The following STXBP6 variants were observed in gnomAD, a reference collection of about 807,000 sequenced individuals.
STXBP6 encodes the protein syntaxin-binding protein 6.
In STXBP6, 21 loss-of-function variants were observed where a neutral mutation model predicts 26.9. The ratio of observed to expected loss-of-function variants is 0.78; its 90% CI spans 0.55 to 1.12. The LOEUF is 1.12. Among genes scored for constraint, STXBP6 ranks in the 50% most tolerant of loss-of-function variants. The probability of loss-of-function intolerance (pLI) is 0.00; values close to 1 mark genes in which losing one functional copy is unlikely to be tolerated. For synonymous variants in STXBP6, 97 were observed against 92.6 expected (o/e 1.05, Z -0.27); for missense variants, 232 against 257.9 (o/e 0.90, Z 0.69).
At chr14:25,005,263 A>G (rs2074862609) in intron 1 of STXBP6, among the ~76,000 whole-genome samples, 12 of 152,216 alleles carry the variant, frequency 7.9e-5, no homozygotes, top group Admixed American at 7.9e-4. Context: ...TTTGAAAGCA[A>G]AAACACTCAA....
intron 4 of STXBP6, among the ~76,000 whole-genome samples, chr14:24,854,334 T>TG (rs1213738947): frequency 6.6e-6 from 1 of 152,058 alleles, no homozygotes; most frequent in African/African-American, 2.4e-5. Context: ...CTATGGCACT[T>TG]GGTCTGTTTC....
At chr14:24,907,482 G>C (rs1436437237) in intron 2 of STXBP6, among the ~76,000 whole-genome samples, 4 of 152,130 alleles carry the variant, frequency 2.6e-5, no homozygotes, top group African/African-American at 9.7e-5. Flanking sequence ...ATGGGTATTA[G>C]AAAAGATTGG....
intron 2 of STXBP6, among the ~76,000 whole-genome samples, chr14:24,875,619 TCCCCTGG>T (rs1341605210): frequency 2.0e-5 from 3 of 152,148 alleles, no homozygotes; most frequent in Non-Finnish European, 2.9e-5. Context: ...TTTCCTAAAT[TCCCCTGG>T]AGGGAATCAT....
intron 1 of STXBP6, among the ~76,000 whole-genome samples, chr14:24,990,828 G>T (rs1459253619): frequency 6.6e-6 from 1 of 151,824 alleles, no homozygotes; most frequent in Non-Finnish European, 1.5e-5. Context: ...TCTGTAGGTT[G>T]AGGAAAGGGT....
At chr14:24,814,738 A>C (rs1470624969) in intron 5 of STXBP6, among the ~76,000 whole-genome samples, 2 of 152,208 alleles carry the variant, frequency 1.3e-5, no homozygotes, top group African/African-American at 4.8e-5. Context: ...AGAAGGTGGA[A>C]TCTTTGAGAG....
intron 2 of STXBP6, among the ~76,000 whole-genome samples, chr14:24,974,184 G>A (rs1285297966): frequency 2.6e-5 from 4 of 151,594 alleles, no homozygotes; most frequent in Non-Finnish European, 4.4e-5. Context: ...GCAAAGCAAC[G>A]ACTTGTGAAC....
chr14:24,836,176 G>A (rs1180807587), intron 4 of STXBP6, among the ~76,000 whole-genome samples: 1 of 152,180 alleles, frequency 6.6e-6, no homozygotes, highest in Non-Finnish European at 1.5e-5. Flanking sequence ...TTGGCAACAT[G>A]CCTTTAATAC....
intron 1 of STXBP6, among the ~76,000 whole-genome samples, chr14:25,012,165 G>A (rs145250184): frequency 1.8e-3 from 269 of 152,176 alleles, no homozygotes; most frequent in South Asian, 9.2e-3. Context: ...AAAAAAAATG[G>A]AGCTAATTTA....
At chr14:24,934,709 G>C (rs1009295426) in intron 2 of STXBP6, among the ~76,000 whole-genome samples, 6 of 152,092 alleles carry the variant, frequency 3.9e-5, no homozygotes, top group African/African-American at 1.4e-4. Flanking sequence ...TAGAGTCCCT[G>C]ACAAAGTAAA....
At chr14:24,981,433 G>T (rs2074189374) in intron 1 of STXBP6, among the ~76,000 whole-genome samples, 1 of 152,088 alleles carries the variant, frequency 6.6e-6, no homozygotes. Flanking sequence ...ACCATGCCCG[G>T]CTAATTTTTG....
intron 2 of STXBP6, among the ~76,000 whole-genome samples, chr14:24,926,452 A>C (rs567262099): frequency 2.6e-4 from 39 of 152,240 alleles, no homozygotes; most frequent in Admixed American, 6.5e-4. Context: ...TTTTGGACGA[A>C]CAATTTATGT....
intron 1 of STXBP6, among the ~76,000 whole-genome samples, chr14:25,047,764 C>T (rs1191985372): frequency 5.3e-5 from 8 of 152,262 alleles, no homozygotes; most frequent in African/African-American, 1.7e-4. Flanking sequence ...CCTGTTCTTG[C>T]CTTCAATTGA....
chr14:25,042,522 G>T (rs528370678), intron 1 of STXBP6, among the ~76,000 whole-genome samples: 1 of 152,166 alleles, frequency 6.6e-6, no homozygotes, highest in Non-Finnish European at 1.5e-5. Flanking sequence ...CTACCTGCTC[G>T]GTCTTACTCT....
At chr14:24,916,652 G>T (rs1363427015) in intron 2 of STXBP6, among the ~76,000 whole-genome samples, 1 of 152,014 alleles carries the variant, frequency 6.6e-6, no homozygotes, top group East Asian at 1.9e-4. Context: ...AGAACTCAAG[G>T]TCTGGATTAG....
At chr14:25,034,823 A>G (rs1030845466) in intron 1 of STXBP6, among the ~76,000 whole-genome samples, 11 of 152,198 alleles carry the variant, frequency 7.2e-5, no homozygotes, top group Non-Finnish European at 1.5e-4. Flanking sequence ...TGAGCTCCTT[A>G]TTCCTAAACC....
chr14:25,047,992 C>G (rs56091828), intron 1 of STXBP6, among the ~76,000 whole-genome samples: 30,254 of 152,116 alleles, frequency 0.2, 3,791 homozygotes, highest in African/African-American at 0.36. Flanking sequence ...TAATCTACAT[C>G]ATGCTGCCTT....
chr14:24,872,768 C>T (rs967651759), intron 2 of STXBP6, among the ~76,000 whole-genome samples: 2 of 152,202 alleles, frequency 1.3e-5, no homozygotes, highest in Admixed American at 6.5e-5. Context: ...GCCTGGGATG[C>T]CTTCACAGCC....
chr14:24,875,971 T>A (rs1330899386), intron 2 of STXBP6, among the ~76,000 whole-genome samples: 1 of 152,098 alleles, frequency 6.6e-6, no homozygotes, highest in Non-Finnish European at 1.5e-5. Context: ...CACTGTGTAT[T>A]TATTATCATC....
intron 2 of STXBP6, among the ~76,000 whole-genome samples, chr14:24,864,660 A>C (rs972763822): frequency 3.6e-4 from 55 of 152,328 alleles, no homozygotes; most frequent in African/African-American, 1.3e-3. Context: ...GAGAAAGAGT[A>C]ACAGAGAGAG....
Sources: allele counts gnomAD v4.1 joint callset (sites outside exome capture counted in the v4.1 genomes callset), GRCh38; gene constraint gnomAD v4.1.1; transcripts MANE v1.5; gene names NCBI Gene and HGNC (gene_info 2026-07-23, HGNC 2026-07-21).